The following DLG2 variants were observed in gnomAD, a reference collection of about 807,000 sequenced individuals.
DLG2 encodes disks large homolog 2.
In DLG2, 45 loss-of-function variants were observed where a neutral mutation model predicts 132.5. The ratio of observed to expected loss-of-function variants is 0.34; its 90% confidence interval spans 0.27 to 0.44. DLG2 has a LOEUF of 0.44. DLG2 is among the 20% of genes least tolerant of loss of function. DLG2 has a pLI of 1.00. For synonymous variants in DLG2, 424 were observed against 419.6 expected (o/e 1.01, Z -0.13); for missense variants, 1,045 against 1,196.9 (o/e 0.87, Z 1.87).
intron 2 of DLG2, among the ~76,000 whole-genome samples, chr11:85,605,035 A>G (rs1277173271): frequency 6.6e-6 from 1 of 152,240 alleles, no homozygotes. Flanking sequence ...AATAGAGAAA[A>G]GGTGAATTTA....
chr11:84,163,898 T>A (rs2095604272), intron 8 of DLG2, among the ~76,000 whole-genome samples: 1 of 152,178 alleles, frequency 6.6e-6, no homozygotes, highest in South Asian at 2.1e-4. Flanking sequence ...AATATGACCT[T>A]AAAAATCAGT....
intron 9 of DLG2, among the ~76,000 whole-genome samples, chr11:84,120,235 A>T (rs1193283705): frequency 6.6e-6 from 1 of 152,156 alleles, no homozygotes; most frequent in East Asian, 1.9e-4. Context: ...GTATTTCACC[A>T]TGTTAAAAGG....
intron 7 of DLG2, among the ~76,000 whole-genome samples, chr11:84,387,850 C>T (rs2098777100): frequency 6.6e-6 from 1 of 152,172 alleles, no homozygotes; most frequent in African/African-American, 2.4e-5. Flanking sequence ...TTTTCTACTT[C>T]TACATTCTGA....
At chr11:85,274,572 A>C (rs939729853) in intron 4 of DLG2, among the ~76,000 whole-genome samples, 3 of 152,176 alleles carry the variant, frequency 2.0e-5, no homozygotes, top group African/African-American at 7.2e-5. Flanking sequence ...GTAGGGTCTC[A>C]GAAAATGATA....
At chr11:83,647,794 G>T (rs1189956219) in intron 18 of DLG2, 1 of 152,052 alleles carries the variant, frequency 6.6e-6, no homozygotes, top group East Asian at 1.9e-4. Flanking sequence ...AAAAATATAG[G>T]CAGGTGTTTA....
intron 6 of DLG2, among the ~76,000 whole-genome samples, chr11:84,982,886 C>A (rs775688163): frequency 1.1e-4 from 16 of 152,050 alleles, no homozygotes; most frequent in African/African-American, 3.9e-4. Flanking sequence ...TACACCCACT[C>A]GTGATAATAA....
chr11:84,859,896 G>A (rs1429066179), intron 6 of DLG2, among the ~76,000 whole-genome samples: 1 of 152,018 alleles, frequency 6.6e-6, no homozygotes, highest in Non-Finnish European at 1.5e-5. Flanking sequence ...CAAAATTCAA[G>A]ACTTAAGTTA....
Position 84,407,960 on chromosome 11 carries a change from T to G in DLG2, c.519+126610A>C, listed in dbSNP as rs185876348. Among the ~76,000 whole-genome samples, 227 of 152,318 alleles carry G rather than the reference T, an allele frequency of 1.5e-3. 3 individuals are homozygous for G. In the East Asian group the frequency reaches 0.015, roughly 10 times the overall value. On this transcript the variant is annotated intron_variant, in intron 7 of 27. Transcript: ENST00000376104. The stretch of plus-strand genomic sequence containing the variant: ...TCTTGAAGAAATGAGGGTATTAACC[T>G]ATAGCCAGCACCTTTACAAGTTAAA...
At chr11:85,505,303 T>G (rs2093903350) in intron 3 of DLG2, among the ~76,000 whole-genome samples, 1 of 152,214 alleles carries the variant, frequency 6.6e-6, no homozygotes, top group Non-Finnish European at 1.5e-5. Flanking sequence ...TGCACCAGTT[T>G]TCAAAGAGAA....
At chr11:84,889,104 A>G (rs1242456640) in intron 6 of DLG2, among the ~76,000 whole-genome samples, 1 of 65,306 alleles carries the variant, frequency 1.5e-5, no homozygotes, top group Non-Finnish European at 5.5e-5. Flanking sequence ...GGACACATTA[A>G]AATCTCTTAA....
chr11:83,708,163 G>GT, intron 18 of DLG2, among the ~76,000 whole-genome samples: 1 of 152,108 alleles, frequency 6.6e-6, no homozygotes, highest in Admixed American at 6.6e-5. Flanking sequence ...TTTATTCTGT[G>GT]TTTAAGTTAT....
At chr11:84,662,023 T>G (rs1595146461) in intron 6 of DLG2, among the ~76,000 whole-genome samples, 1 of 152,090 alleles carries the variant, frequency 6.6e-6, no homozygotes, top group Admixed American at 6.6e-5. Flanking sequence ...ATTTCTCTAG[T>G]TTAGAAAGGG....
At chr11:84,117,139 T>A (rs1291003556) in intron 9 of DLG2, among the ~76,000 whole-genome samples, 1 of 152,176 alleles carries the variant, frequency 6.6e-6, no homozygotes, top group Non-Finnish European at 1.5e-5. Context: ...CGCACCCTAA[T>A]CCTTACAAAT....
intron 18 of DLG2, among the ~76,000 whole-genome samples, chr11:83,657,632 G>A (rs939645917): frequency 3.6e-5 from 5 of 138,924 alleles, no homozygotes; most frequent in South Asian, 2.4e-4. Context: ...TCTGCCTCCC[G>A]GGTTCACGCC....
At chr11:83,797,825 C>T (rs2043247930) in intron 17 of DLG2, among the ~76,000 whole-genome samples, 1 of 152,162 alleles carries the variant, frequency 6.6e-6, no homozygotes, top group Non-Finnish European at 1.5e-5. Context: ...GCCGCGTTTG[C>T]ATTCTTAACC....
chr11:84,688,321 T>C (rs1284580338), intron 6 of DLG2, among the ~76,000 whole-genome samples: 1 of 152,168 alleles, frequency 6.6e-6, no homozygotes, highest in Non-Finnish European at 1.5e-5. Flanking sequence ...AGCCAAAGTA[T>C]ATATAAAATA....
chr11:84,980,639 A>G (rs1209317366), intron 6 of DLG2, among the ~76,000 whole-genome samples: 1 of 152,164 alleles, frequency 6.6e-6, no homozygotes, highest in Admixed American at 6.6e-5. Context: ...AAAACATTAT[A>G]GGTAAAAGTT....
chr11:85,351,611 A>G (rs959776495), intron 3 of DLG2, among the ~76,000 whole-genome samples: 1 of 152,172 alleles, frequency 6.6e-6, no homozygotes, highest in Non-Finnish European at 1.5e-5. Context: ...TTGAGTTTTT[A>G]GCATGAAGAG....
At chr11:84,391,260 C>T (rs2098791729) in intron 7 of DLG2, among the ~76,000 whole-genome samples, 1 of 151,862 alleles carries the variant, frequency 6.6e-6, no homozygotes, top group Non-Finnish European at 1.5e-5. Flanking sequence ...TATTAAGTGA[C>T]AAAAAATTAA....
Sources: allele counts gnomAD v4.1 joint callset (sites outside exome capture counted in the v4.1 genomes callset), GRCh38; gene constraint gnomAD v4.1.1; transcripts MANE v1.5; gene names NCBI Gene and HGNC (gene_info 2026-07-23, HGNC 2026-07-21).